UTP15: variants seen among roughly 807,000 people sequenced by gnomAD.
UTP15 encodes U3 small nucleolar RNA-associated protein 15 homolog.
UTP15 carries 5 observed loss-of-function variants against 59.1 expected under a neutral mutation model. The ratio of observed to expected loss-of-function variants is 0.08; its 90% CI spans 0.04 to 0.18. UTP15 has a LOEUF of 0.18. UTP15 is among the 10% of genes least tolerant of loss of function. The pLI is 1.00. For missense variants in UTP15, 494 were observed against 616.7 expected (o/e 0.80, Z 2.11); for synonymous variants, 211 against 212.2 (o/e 0.99, Z 0.05).
At chr5:73,578,672 A>G in intron 9 of UTP15, 79 bp from the exon 10 acceptor site, 1 of 1,232,762 alleles carries the variant, frequency 8.1e-7, no homozygotes, top group African/African-American at 1.5e-5. Flanking sequence ...ATACCACTTC[A>G]TTATGAAAAA....
chr5:73,570,558 A>T (rs1747902990), intron 5 of UTP15, 28 bp from the exon 6 acceptor site: 2 of 1,610,352 alleles, frequency 1.2e-6, no homozygotes, highest in Admixed American at 3.3e-5. Flanking sequence ...AAACAGTCAA[A>T]CTAAAAATTC....
intron 7 of UTP15, among the ~76,000 whole-genome samples, chr5:73,574,008 A>C (rs1748017583): frequency 6.6e-6 from 1 of 152,156 alleles, no homozygotes; most frequent in South Asian, 2.1e-4. Flanking sequence ...TAAGCATCTA[A>C]ACATGTGCAC....
chr5:73,582,480 G>A lies in UTP15; in HGVS notation c.*2386G>A, dbSNP rs1217492590. ...GCTCACTGCAGCTTCTGTCTCCTAG[G>A]CTGAAGCTATCCTCCCACCTCAGCC... On this transcript the variant is annotated 3_prime_UTR_variant, in exon 13 of 13. Transcript: ENST00000296792. The A allele has an allele frequency of 1.3e-5, 2 of 152,174 alleles. No homozygotes were observed. The highest frequency in any genetic ancestry group is 2.9e-5 in the Non-Finnish European group (2 of 68,044). The allele number at this position is 152,174 out of a possible 1,614,324, so 9.4% of individuals were successfully genotyped here. A position where few individuals can be genotyped will look rare whatever the true frequency, so the allele number is the denominator to read the frequency against.
At chr5:73,572,666 C>T (rs199690197) in intron 7 of UTP15, 42 bp downstream of exon 7, 6 of 1,563,218 alleles carry the variant, frequency 3.8e-6, no homozygotes, top group Middle Eastern at 1.7e-4. Flanking sequence ...TTAGTGTACA[C>T]CTGTTTACTG....
In UTP15 at chr5:73,576,941, C is replaced by A. The variant is rs1220622; in HGVS notation, c.810-11C>A. On this transcript the variant is annotated splice_polypyrimidine_tract_variant and intron_variant, in intron 7 of 12. Transcript: ENST00000296792. ...AAGGTGATTTTTGACAAAGCTTTTC[C>A]TTTTTATTAGGAAGGTGAAAGTATA... 2 of 1,565,140 alleles carry A rather than the reference C, an allele frequency of 1.3e-6. No individual in the cohort carries two copies. The highest frequency in any genetic ancestry group is 2.8e-5 in the African/African-American group (2 of 72,048).
intron 8 of UTP15, 33 bp downstream of exon 8, chr5:73,577,069 C>G (rs1290896791): frequency 4.3e-6 from 6 of 1,396,906 alleles, no homozygotes; most frequent in Non-Finnish European, 5.9e-6. Context: ...AAGTCTGTCA[C>G]TAACCCTGCC....
chr5:73,572,616 A>C lies in UTP15; in HGVS notation c.801A>C (p.Ser267=). 1 of 1,612,400 alleles carries C rather than the reference A, an allele frequency of 6.2e-7. No homozygotes were observed. The highest frequency in any genetic ancestry group is 8.5e-7 in the Non-Finnish European group (1 of 1,179,630). ...CTGGACAGAGGTTACTCTCTGGCTC[A>C]CTGGATAGGTTGGCATTTTAATTTT... ...SSSGQRLLSG[S]LDRKVKVYST... The change falls in exon 7 of 13, where the codon TCA becomes TCC. Residue 267 remains serine, a synonymous_variant. Transcript: ENST00000296792.
intron 12 of UTP15, among the ~76,000 whole-genome samples, chr5:73,579,581 GTTA>G (rs1472712401): frequency 6.6e-6 from 1 of 151,988 alleles, no homozygotes; most frequent in African/African-American, 2.4e-5. Context: ...TGGGACTAGG[GTTA>G]TTATAAAAAA....
At chr5:73,579,540 A>T (rs1349239471) in intron 12 of UTP15, among the ~76,000 whole-genome samples, 165 bp downstream of exon 12, 2 of 152,184 alleles carry the variant, frequency 1.3e-5, no homozygotes, top group Non-Finnish European at 2.9e-5. Context: ...AAAAGTAGTA[A>T]AATGTTTATA....
chr5:73,572,384 C>T (rs1414913205), intron 6 of UTP15, 105 bp from the exon 7 acceptor site: 8 of 1,465,532 alleles, frequency 5.5e-6, no homozygotes, highest in Non-Finnish European at 6.5e-6. Context: ...CTCCCTCACT[C>T]AGCCTCCATG....
chr5:73,568,143 A>G (rs1747835072), intron 2 of UTP15, 92 bp from the exon 3 acceptor site: 2 of 951,492 alleles, frequency 2.1e-6, no homozygotes, highest in Admixed American at 5.7e-5. Flanking sequence ...TGTTACTAAG[A>G]ACAAAGAGAA....
intron 6 of UTP15, 147 bp from the exon 7 acceptor site, chr5:73,572,342 A>G: frequency 1.1e-6 from 1 of 888,710 alleles, no homozygotes; most frequent in Non-Finnish European, 1.8e-6. Flanking sequence ...GAAGTGGTGC[A>G]TCCAGGATTT....
chr5:73,575,346 G>T (rs1246347067), intron 7 of UTP15, among the ~76,000 whole-genome samples: 1 of 152,086 alleles, frequency 6.6e-6, no homozygotes. Context: ...TGTTCCTCAA[G>T]GAACGTTTGA....
chr5:73,578,736 T>C lies in UTP15; in HGVS notation c.1045-15T>C, dbSNP rs1408938054. ...TGCTGATTTTCCTTCTCTATAAATG[T>C]ACTTTTCATTGCAGGATGACATTTT... On this transcript the variant is annotated splice_polypyrimidine_tract_variant and intron_variant, in intron 9 of 12. Coordinates refer to ENST00000296792, the MANE Select transcript of UTP15 (RefSeq NM_032175.4). The C allele has an allele frequency of 1.2e-6, 2 of 1,609,028 alleles. No homozygotes were observed. Among genetic ancestry groups the C allele is most frequent in the African/African-American group, 2.7e-5 (2 of 74,818 alleles).
At chr5:73,577,145 A>G in intron 8 of UTP15, 109 bp downstream of exon 8, 2 of 814,722 alleles carry the variant, frequency 2.5e-6, no homozygotes, top group Non-Finnish European at 2.0e-6. Context: ...TTCTTGCCAC[A>G]TCAGATATTT....
In UTP15 at chr5:73,582,167, A is replaced by C. The variant is rs1014765567; in HGVS notation, c.*2073A>C. On this transcript the variant is annotated 3_prime_UTR_variant, in exon 13 of 13. Transcript: ENST00000296792. ...CATTTAACATTGAGTTAACGAAAGT[A>C]GTTGATTCACTCTCGAAGTCCCTGA... 1 of 152,228 alleles carries C rather than the reference A, an allele frequency of 6.6e-6. No individual in the cohort carries two copies. Among genetic ancestry groups the C allele is most frequent in the African/African-American group, 2.4e-5 (1 of 41,454 alleles). 9.4% of individuals were successfully genotyped at this position (152,228 alleles called of 1,614,324 possible). A position where few individuals can be genotyped will look rare whatever the true frequency, so the allele number is the denominator to read the frequency against.
chr5:73,568,764 C>T (rs531500530), intron 4 of UTP15, among the ~76,000 whole-genome samples, 160 bp downstream of exon 4: 2 of 152,214 alleles, frequency 1.3e-5, no homozygotes, highest in East Asian at 3.9e-4. Context: ...ACTTGGGTTC[C>T]GTGGTCCAGT....
In UTP15 at chr5:73,580,872, G is replaced by A. The variant is rs921530125; in HGVS notation, c.*778G>A. On this transcript the variant is annotated 3_prime_UTR_variant, in exon 13 of 13. Coordinates refer to ENST00000296792, the MANE Select transcript of UTP15 (RefSeq NM_032175.4). Reference sequence around the variant, plus strand: ...CAGCCTTTCAGACTATTCTTCATATGTTTCAAGCTAATCTTGTAGCTAAGC... The same window carrying A: ...CAGCCTTTCAGACTATTCTTCATATATTTCAAGCTAATCTTGTAGCTAAGC... 6.6e-6 allele frequency: 1 copy of A among 151,700 alleles called. No homozygotes were observed. The highest frequency in any genetic ancestry group is 1.5e-5 in the Non-Finnish European group (1 of 67,962). The allele number at this position is 151,700 out of a possible 1,614,324, so 9.4% of individuals were successfully genotyped here. A position where few individuals can be genotyped will look rare whatever the true frequency, so the allele number is the denominator to read the frequency against.
rs1193259182 is a variant in UTP15 at position 73,576,934 on chromosome 5, G to C, written c.810-18G>C. 3 of 1,554,554 alleles carry C rather than the reference G, an allele frequency of 1.9e-6. No homozygotes were observed. In the South Asian group the frequency reaches 3.6e-5, roughly 18 times the overall value. On this transcript the variant is annotated intron_variant, in intron 7 of 12. Transcript: ENST00000296792. ...CGTTTTCAAGGTGATTTTTGACAAA[G>C]CTTTTCCTTTTTATTAGGAAGGTGA...
Sources: allele counts gnomAD v4.1 joint callset (sites outside exome capture counted in the v4.1 genomes callset), GRCh38; gene constraint gnomAD v4.1.1; transcripts MANE v1.5; gene names NCBI Gene and HGNC (gene_info 2026-07-23, HGNC 2026-07-21).